FHOD3: variants seen among roughly 807,000 people sequenced by gnomAD.
FHOD3 encodes formin homology 2 domain containing 3, also known as FH1/FH2 domain-containing protein 3.
In FHOD3, 90 loss-of-function variants were observed where a neutral mutation model predicts 173.0. The observed-to-expected ratio is 0.52, with a 90% CI of 0.44 to 0.62. The LOEUF (loss-of-function observed/expected upper bound fraction) is 0.62, where lower values mean the gene tolerates loss of function less well. FHOD3 is among the 20% of genes least tolerant of loss of function. The pLI is 0.00. For synonymous variants in FHOD3, 828 were observed against 823.0 expected, an observed-to-expected ratio of 1.01 and a Z score of -0.10; for missense variants, 1,945 against 2,034.7, an observed-to-expected ratio of 0.96 and a Z score of 0.85.
At position 36,377,513 on chromosome 18, in the gene FHOD3, A is replaced by G. The variant is rs2047502067; in HGVS notation, c.337+4769A>G. ...TTTCCATAAAAACTAGAGGTTTCCT[A>G]TGGGAAGCAGCAAATTGTCTTTTTG... On this transcript the variant is annotated intron_variant, in intron 3 of 28. Coordinates refer to ENST00000590592, the MANE Select transcript of FHOD3 (RefSeq NM_001281740.3). Among the ~76,000 whole-genome samples, 5 of 152,192 alleles carry G rather than the reference A, an allele frequency of 3.3e-5. No individual in the cohort carries two copies. The South Asian group carries it at 1.0e-3, about 31-fold the overall frequency.
chr18:36,724,671 C>T (rs1004249239), intron 19 of FHOD3, among the ~76,000 whole-genome samples: 1 of 152,214 alleles, frequency 6.6e-6, no homozygotes, highest in Non-Finnish European at 1.5e-5. Flanking sequence ...CTCTGCCTCT[C>T]CCTCATCTTG....
intron 3 of FHOD3, among the ~76,000 whole-genome samples, chr18:36,386,383 G>T (rs955771594): frequency 1.3e-5 from 2 of 152,194 alleles, no homozygotes; most frequent in African/African-American, 4.8e-5. Flanking sequence ...TCTTTACCAG[G>T]TAGCGGCTCA....
Position 36,429,014 on chromosome 18 carries a change from G to A in FHOD3, c.337+56270G>A, listed in dbSNP as rs371069690. On this transcript the variant is annotated intron_variant, in intron 3 of 28. Transcript: ENST00000590592. The stretch of plus-strand genomic sequence containing the variant: ...GAATGTTAATTAAGGGGCCACTGTC[G>A]TCATTGCTTGGAGTAAAGATAGAGG... Among the ~76,000 whole-genome samples the A allele has an allele frequency of 4.6e-5, 7 of 152,274 alleles. No homozygotes were observed. In the East Asian group the frequency reaches 7.7e-4, roughly 17 times the overall value.
At chr18:36,554,729 A>G (rs1424088776) in intron 5 of FHOD3, among the ~76,000 whole-genome samples, 1 of 152,224 alleles carries the variant, frequency 6.6e-6, no homozygotes, top group Non-Finnish European at 1.5e-5. Context: ...TTTCTGGTAA[A>G]AATTTAACTG....
At position 36,779,990 on chromosome 18, in the gene FHOD3, A is replaced by T; in HGVS notation, c.*460A>T. On this transcript the variant is annotated 3_prime_UTR_variant, in exon 29 of 29. Transcript: ENST00000590592. ...ACCTGTTGTGGATTTTAGATGTAAC[A>T]AATGTTTATACAAATACATACATGT... 1 of 527,192 alleles carries T rather than the reference A, an allele frequency of 1.9e-6. No individual in the cohort carries two copies. Among genetic ancestry groups the T allele is most frequent in the Non-Finnish European group, 2.9e-6 (1 of 341,338 alleles). 32.7% of individuals were successfully genotyped at this position (527,192 alleles called of 1,614,324 possible).
At chr18:36,570,577 G>C (rs1449637929) in intron 5 of FHOD3, among the ~76,000 whole-genome samples, 1 of 151,960 alleles carries the variant, frequency 6.6e-6, no homozygotes, top group Non-Finnish European at 1.5e-5. Flanking sequence ...ATGAAAACCA[G>C]ACATAAAATA....
At chr18:36,472,256 G>A (rs1259144308) in intron 3 of FHOD3, among the ~76,000 whole-genome samples, 1 of 152,204 alleles carries the variant, frequency 6.6e-6, no homozygotes, top group Admixed American at 6.5e-5. Context: ...GTGTGAGGAA[G>A]CCTGTTAGGG....
At chr18:36,758,122 CTG>C (rs1272089071) in intron 25 of FHOD3, among the ~76,000 whole-genome samples, 7 of 152,272 alleles carry the variant, frequency 4.6e-5, no homozygotes, top group East Asian at 3.9e-4. Context: ...TATAAATAAA[CTG>C]TAAGAATTTT....
At chr18:36,763,492 TTATATATAATATGTGTATTATA>T in intron 27 of FHOD3, among the ~76,000 whole-genome samples, 1 of 142,660 alleles carries the variant, frequency 7.0e-6, no homozygotes, top group African/African-American at 2.5e-5. Flanking sequence ...ATTATACACG[TTATATATAATATGTGTATTATA>T]CACGTTATAT....
intron 18 of FHOD3, among the ~76,000 whole-genome samples, chr18:36,717,227 TAGG>T (rs2149759200): frequency 6.6e-6 from 1 of 152,128 alleles, no homozygotes; most frequent in Admixed American, 6.5e-5. Flanking sequence ...TGAGACGGGC[TAGG>T]AGGTTAGAGA....
At chr18:36,719,794 G>A (rs11081962) in intron 19 of FHOD3, among the ~76,000 whole-genome samples, 45,637 of 152,076 alleles carry the variant, frequency 0.3, 7,348 homozygotes, top group South Asian at 0.45. Context: ...CCCTTCAGAC[G>A]AGGAGCACAG....
chr18:36,517,098 G>A (rs1319571821), intron 5 of FHOD3, among the ~76,000 whole-genome samples: 2 of 152,132 alleles, frequency 1.3e-5, no homozygotes, highest in Non-Finnish European at 2.9e-5. Context: ...CCAAAGCTGT[G>A]AGCAGGCTGC....
At chr18:36,542,103 C>A (rs2057246324) in intron 5 of FHOD3, among the ~76,000 whole-genome samples, 1 of 152,176 alleles carries the variant, frequency 6.6e-6, no homozygotes, top group Admixed American at 6.5e-5. Flanking sequence ...GGCCAACCTA[C>A]CATGGATATA....
intron 1 of FHOD3, among the ~76,000 whole-genome samples, chr18:36,311,232 C>A (rs1005012374): frequency 1.3e-5 from 2 of 152,126 alleles, no homozygotes; most frequent in African/African-American, 4.8e-5. Flanking sequence ...GGGACCCCTG[C>A]TGTTCATAGT....
chr18:36,699,562 G>C (rs755221469), intron 17 of FHOD3, among the ~76,000 whole-genome samples: 23 of 152,192 alleles, frequency 1.5e-4, no homozygotes, highest in Admixed American at 6.5e-5. Flanking sequence ...ATTAGCAAAG[G>C]AGAATAACTC....
At chr18:36,331,489 G>A (rs562494111) in intron 1 of FHOD3, among the ~76,000 whole-genome samples, 1 of 152,342 alleles carries the variant, frequency 6.6e-6, no homozygotes, top group Admixed American at 6.5e-5. Flanking sequence ...CAGCAGTCTG[G>A]AGCCAGTCAG....
At chr18:36,409,045 A>T (rs1340441098) in intron 3 of FHOD3, among the ~76,000 whole-genome samples, 2 of 152,106 alleles carry the variant, frequency 1.3e-5, no homozygotes, top group Non-Finnish European at 2.9e-5. Context: ...AAAGACTTGA[A>T]CTGGGGCCTT....
chr18:36,754,988 A>C (rs1199588924), intron 24 of FHOD3, 131 bp from the exon 25 acceptor site: 20 of 193,088 alleles, frequency 1.0e-4, no homozygotes, highest in African/African-American at 4.8e-4. Context: ...TATTATTATT[A>C]TTATTATTAT....
At chr18:36,443,462 G>A (rs1453490715) in intron 3 of FHOD3, among the ~76,000 whole-genome samples, 1 of 152,102 alleles carries the variant, frequency 6.6e-6, no homozygotes, top group Non-Finnish European at 1.5e-5. Flanking sequence ...TTGACCATTG[G>A]TAGATCTTTA....
Sources: allele counts gnomAD v4.1 joint callset (sites outside exome capture counted in the v4.1 genomes callset), GRCh38; gene constraint gnomAD v4.1.1; transcripts MANE v1.5; gene names NCBI Gene and HGNC (gene_info 2026-07-23, HGNC 2026-07-21).